Variants in LCOR observed in about 807,000 individuals in gnomAD.
LCOR encodes the protein ligand-dependent corepressor.
In LCOR, 14 loss-of-function variants were observed where a neutral mutation model predicts 64.4. The ratio of observed to expected loss-of-function variants is 0.22; its 90% CI spans 0.14 to 0.34. The LOEUF (loss-of-function observed/expected upper bound fraction) is 0.34, where lower values mean the gene tolerates loss of function less well. Among genes scored for constraint, LCOR ranks in the 10% least tolerant of loss-of-function variants. LCOR has a pLI of 1.00. For synonymous variants in LCOR, 643 were observed against 642.5 expected, an observed-to-expected ratio of 1.00 and a Z score of -0.01; for missense variants, 1,686 against 1,765.3, an observed-to-expected ratio of 0.96 and a Z score of 0.80.
At chr10:96,929,950 G>C (rs1847229031) in intron 4 of LCOR, among the ~76,000 whole-genome samples, 1 of 152,138 alleles carries the variant, frequency 6.6e-6, no homozygotes, top group African/African-American at 2.4e-5. Context: ...TATCAATTTA[G>C]TTCACCATCT....
At chr10:96,964,005 CTT>C (rs1847920756) in intron 7 of LCOR, 1 of 152,080 alleles carries the variant, frequency 6.6e-6, no homozygotes, top group Non-Finnish European at 1.5e-5. Flanking sequence ...TAATATTTCT[CTT>C]GTACTGTAGT....
chr10:96,920,625 T>C (rs7921991), intron 4 of LCOR, among the ~76,000 whole-genome samples: 1 of 146,892 alleles, frequency 6.8e-6, no homozygotes, highest in East Asian at 2.0e-4. Flanking sequence ...TGTATATATG[T>C]ATGTACATTC....
At chr10:96,843,575 A>G (rs1231299194) in intron 2 of LCOR, among the ~76,000 whole-genome samples, 1 of 152,192 alleles carries the variant, frequency 6.6e-6, no homozygotes, top group African/African-American at 2.4e-5. Context: ...TTGTCCAGCC[A>G]TATCATTTAA....
rs550100958 is a variant in LCOR, at chr10:96,846,723, A to C, written c.-330+13244A>C. The stretch of plus-strand genomic sequence containing the variant: ...TATTAAAATAGATTCTGGCATGTTA[A>C]AATAAATAGACATATACTGAGAAAC... On this transcript the variant is annotated intron_variant, in intron 2 of 7. Transcript: ENST00000421806. Among the ~76,000 whole-genome samples the C allele has an allele frequency of 1.0e-3, 152 of 152,334 alleles. 1 individual carries two copies. The highest frequency in any genetic ancestry group is 1.7e-3 in the Non-Finnish European group (113 of 68,038).
intron 2 of LCOR, among the ~76,000 whole-genome samples, chr10:96,878,665 A>G (rs1303947802): frequency 6.6e-6 from 1 of 152,202 alleles, no homozygotes; most frequent in African/African-American, 2.4e-5. Flanking sequence ...TTAAGTTCCA[A>G]GGGTATGAGA....
intron 2 of LCOR, among the ~76,000 whole-genome samples, chr10:96,904,491 G>A (rs1846694038): frequency 6.6e-6 from 1 of 152,148 alleles, no homozygotes; most frequent in Non-Finnish European, 1.5e-5. Context: ...CATCATTGAA[G>A]CAGTGTTTTA....
intron 2 of LCOR, among the ~76,000 whole-genome samples, chr10:96,900,342 A>G (rs566485962): frequency 2.6e-5 from 4 of 152,204 alleles, no homozygotes; most frequent in Non-Finnish European, 5.9e-5. Context: ...AAGTCATCCT[A>G]TACTTGATTC....
chr10:96,983,121 T>A lies in LCOR; in HGVS notation c.2661T>A (p.Ser887Arg). 6.2e-7 allele frequency: 1 copy of A among 1,613,572 alleles called. No individual in the cohort carries two copies. Among genetic ancestry groups the A allele is most frequent in the Non-Finnish European group, 8.5e-7 (1 of 1,179,626 alleles). ...TETLEDTEKP[S>R]VNERPSEKDA... ...CTCTGGAGGACACAGAAAAGCCAAG[T>A]GTCAATGAACGCCCCTCTGAGAAAG... The change falls in exon 8 of 8, where the codon AGT (serine) becomes AGA (arginine). Residue 887 changes from serine to arginine, a missense_variant. Ser to Arg is a moderately radical substitution (Grantham distance 110). This residue lies in a region of LCOR where 1,293 missense variants were observed against 1,410.4 expected (regional missense o/e 0.92). Transcript: ENST00000421806. This position sits in a 1 kb window ranked among gnomAD's most constrained non-coding sequence, Gnocchi z 4.5.
At chr10:96,951,674 C>T (rs1225545222) in intron 6 of LCOR, among the ~76,000 whole-genome samples, 1 of 151,816 alleles carries the variant, frequency 6.6e-6, no homozygotes, top group African/African-American at 2.4e-5. Context: ...TTTGGAGTTT[C>T]AGGTAGATTT....
intron 2 of LCOR, among the ~76,000 whole-genome samples, chr10:96,904,300 T>G (rs1846690856): frequency 6.6e-6 from 1 of 152,100 alleles, no homozygotes; most frequent in Admixed American, 6.6e-5. Context: ...TGTTAGGAGG[T>G]AGGAATGATC....
intron 4 of LCOR, among the ~76,000 whole-genome samples, chr10:96,914,252 A>C (rs1162359503): frequency 6.6e-6 from 1 of 152,194 alleles, no homozygotes; most frequent in Admixed American, 6.5e-5. Flanking sequence ...GCTAGAGTAC[A>C]GTGGCGCCAT....
At chr10:96,959,646 A>G (rs1364750123) in intron 7 of LCOR, 1 of 152,154 alleles carries the variant, frequency 6.6e-6, no homozygotes, top group African/African-American at 2.4e-5. Flanking sequence ...GTGATGAGCT[A>G]TACACTTTTT....
At chr10:96,878,272 T>C (rs1182102919) in intron 2 of LCOR, among the ~76,000 whole-genome samples, 1 of 152,104 alleles carries the variant, frequency 6.6e-6, no homozygotes, top group Non-Finnish European at 1.5e-5. Context: ...CTTACGTTGA[T>C]AATTGGCCAG....
intron 4 of LCOR, among the ~76,000 whole-genome samples, chr10:96,911,143 G>T (rs1295081663): frequency 1.4e-4 from 20 of 146,950 alleles, no homozygotes; most frequent in Admixed American, 1.3e-3. Flanking sequence ...TGTTGCCCAG[G>T]CTGGGGTGCA....
intron 4 of LCOR, among the ~76,000 whole-genome samples, chr10:96,943,315 T>C (rs1418821091): frequency 1.3e-5 from 2 of 152,220 alleles, no homozygotes; most frequent in East Asian, 3.8e-4. Context: ...CAGGCTGGTC[T>C]CGAACTCCTC....
intron 7 of LCOR, chr10:96,955,413 T>G: frequency 2.5e-6 from 4 of 1,614,178 alleles, no homozygotes; most frequent in Non-Finnish European, 3.4e-6. Context: ...GGATCTTTCT[T>G]GGGAGTCTCG....
At chr10:96,878,407 A>G (rs1846206418) in intron 2 of LCOR, among the ~76,000 whole-genome samples, 1 of 152,214 alleles carries the variant, frequency 6.6e-6, no homozygotes, top group Non-Finnish European at 1.5e-5. Context: ...CTGTAAATAT[A>G]TTAGATTGAT....
In LCOR at chr10:96,958,141, A is replaced by G. The variant is rs1230976257; in HGVS notation, c.332+5945A>G. 4.9e-6 allele frequency: 6 copies of G among 1,214,356 alleles called. No homozygotes were observed. In the South Asian group the frequency reaches 2.1e-4, roughly 42 times the overall value. 75.2% of individuals were successfully genotyped at this position (1,214,356 alleles called of 1,614,324 possible). On this transcript the variant is annotated intron_variant, in intron 7 of 7. Transcript: ENST00000421806. ...AGTACCTTTTTGCGTAATGTTTGGG[A>G]TATTCAGTAGCCCAGGATTGCTACA...
At chr10:96,889,820 G>A (rs550978224) in intron 2 of LCOR, among the ~76,000 whole-genome samples, 10 of 152,214 alleles carry the variant, frequency 6.6e-5, no homozygotes, top group Middle Eastern at 3.4e-3. Context: ...GAGTGTTTCC[G>A]CTGTCAGGTT....
Sources: gnomAD v4.1 joint callset for allele counts (sites outside exome capture counted in the v4.1 genomes callset) on GRCh38, gnomAD v4.1.1 for gene constraint, gnomAD v4.1.1 regional missense constraint, Gnocchi (gnomAD v3.1) non-coding constraint, MANE v1.5 for transcripts, NCBI Gene and HGNC (gene_info 2026-07-23, HGNC 2026-07-21) for gene names.